Variants in WFIKKN1 observed in about 807,000 individuals in gnomAD.
WFIKKN1 encodes WAP, Kazal, immunoglobulin, Kunitz and NTR domain-containing protein 1.
In WFIKKN1, 6 loss-of-function variants were observed where a neutral mutation model predicts 4.6. That is an observed-to-expected ratio of 1.31 (90% confidence interval 0.72 to 2.59). The LOEUF is 2.59. Among genes scored for constraint, WFIKKN1 ranks in the 30% most tolerant of loss-of-function variants. The probability of loss-of-function intolerance (pLI) is 0.00; values close to 1 mark genes in which losing one functional copy is unlikely to be tolerated. For missense variants in WFIKKN1, 964 were observed against 818.0 expected (o/e 1.18, Z -2.18); for synonymous variants, 468 against 367.4 (o/e 1.27, Z -3.13).
At position 633,138 on chromosome 16, in the gene WFIKKN1, C is replaced by G. The variant is rs746586513; in HGVS notation, c.728C>G (p.Thr243Ser). The G allele has an allele frequency of 7.5e-6, 12 of 1,606,300 alleles. No homozygotes were observed. The highest frequency in any genetic ancestry group is 1.0e-5 in the Non-Finnish European group (12 of 1,175,508). The change falls in exon 2 of 2, where the codon ACC (threonine) becomes AGC (serine). Residue 243 changes from threonine to serine, a missense_variant. Physicochemically the swap from Thr to Ser is moderately conservative, Grantham distance 58 (BLOSUM62 1). Transcript: ENST00000319070. ...CAGATGTATGGCAACGTGGTGGTCACCAGCATCGGGCAGCTGGTGCTCTAC... is the reference window on the plus strand; with the variant it reads ...CAGATGTATGGCAACGTGGTGGTCAGCAGCATCGGGCAGCTGGTGCTCTAC... ...PDQMYGNVVV[T>S]SIGQLVLYNA...
At position 633,623 on chromosome 16, in the gene WFIKKN1, T is replaced by C; in HGVS notation, c.1213T>C (p.Cys405Arg). 1.3e-6 allele frequency: 2 copies of C among 1,572,142 alleles called. No individual in the cohort carries two copies. The highest frequency in any genetic ancestry group is 1.7e-6 in the Non-Finnish European group (2 of 1,163,898). The change falls in exon 2 of 2, where the codon TGC becomes CGC. Residue 405 changes from cysteine to arginine, a missense_variant. Physicochemically the swap from Cys to Arg is radical, Grantham distance 180. Transcript: ENST00000319070. The part of the protein sequence containing the change: ...NGNNFHSRES[C>R]EDACPVPRTP... ...CAACAACTTCCACAGCCGCGAGAGC[T>C]GCGAGGATGCCTGCCCCGTGCCGCG...
At position 633,283 on chromosome 16, in the gene WFIKKN1, CA is replaced by C. The variant is rs1269620482; in HGVS notation, c.874del (p.Ser292AlafsTer36). ...QREPARDAAP[S>X]IPAPAECLPD... ...GAGAGCCGGCCAGGGACGCAGCCCC[CA>C]GCATCCCAGCCCCGGCCGAGTGCCT... On this transcript the variant is annotated frameshift_variant, in exon 2 of 2. Transcript: ENST00000319070. LOFTEE classifies it low-confidence loss of function (END_TRUNC). 6.3e-7 allele frequency: 1 copy of C among 1,584,434 alleles called. No homozygotes were observed. The highest frequency in any genetic ancestry group is 1.3e-5 in the African/African-American group (1 of 74,114).
rs372662952 is a variant in WFIKKN1, at chr16:631,231, G to A, written c.-23G>A. The A allele has an allele frequency of 1.4e-5, 22 of 1,542,004 alleles. No homozygotes were observed. The highest frequency in any genetic ancestry group is 8.3e-5 in the African/African-American group (6 of 72,526). ...GGAGGGGCTGGTGGCCACACCCCCC[G>A]GCCCCCTGGCTCGGCGGCCCTCATG... On this transcript the variant is annotated 5_prime_UTR_variant, in exon 1 of 2. Transcript: ENST00000319070.
rs146876380 is a variant in WFIKKN1 at position 631,441 on chromosome 16, C to T, written c.171+17C>T. 1.9e-3 allele frequency: 3,015 copies of T among 1,600,160 alleles called. 9 individuals are homozygous for T. Among genetic ancestry groups the T allele is most frequent in the Admixed American group, 4.6e-3 (271 of 59,004 alleles). On this transcript the variant is annotated intron_variant, in intron 1 of 1. Transcript: ENST00000319070. Reference sequence around the variant, plus strand: ...AGGGACCAGGTGAGTGTGGTCGGGCCGGGGTCCTGGGGCTCAGAGCAGCCA... The same window carrying T: ...AGGGACCAGGTGAGTGTGGTCGGGCTGGGGTCCTGGGGCTCAGAGCAGCCA...
Position 633,618 on chromosome 16 carries a change from A to T in WFIKKN1, c.1208A>T (p.Glu403Val), listed in dbSNP as rs1596430438. The change falls in exon 2 of 2, where the codon GAG (glutamate) becomes GTG (valine). Residue 403 changes from glutamate to valine, a missense_variant. Coordinates refer to ENST00000319070, the MANE Select transcript of WFIKKN1 (RefSeq NM_053284.3). Reference sequence around the variant, plus strand: ...AACGGCAACAACTTCCACAGCCGCGAGAGCTGCGAGGATGCCTGCCCCGTG... The same window carrying T: ...AACGGCAACAACTTCCACAGCCGCGTGAGCTGCGAGGATGCCTGCCCCGTG... Reference protein sequence around the residue: ...EGNGNNFHSRESCEDACPVPR... With the variant: ...EGNGNNFHSRVSCEDACPVPR... The T allele has an allele frequency of 6.4e-7, 1 of 1,572,960 alleles. No individual in the cohort carries two copies. Among genetic ancestry groups the T allele is most frequent in the Non-Finnish European group, 8.6e-7 (1 of 1,164,574 alleles).
At position 630,992 on chromosome 16, in the gene WFIKKN1, G is replaced by A. The variant is rs561274449; in HGVS notation, c.-262G>A. On this transcript the variant is annotated 5_prime_UTR_variant, in exon 1 of 2. Transcript: ENST00000319070. ...GGAGCCCCCGCACGGTTCAGACAGA[G>A]GGGCCAGGCTGAAGCTGGAGAGGAA... 8.0e-5 allele frequency: 40 copies of A among 500,886 alleles called. No individual in the cohort carries two copies. Among genetic ancestry groups the A allele is most frequent in the Middle Eastern group, 5.4e-4 (1 of 1,852 alleles). 31.0% of individuals were successfully genotyped at this position (500,886 alleles called of 1,614,324 possible).
In WFIKKN1 at chr16:632,625, T is replaced by C. The variant is rs1210913861; in HGVS notation, c.215T>C (p.Leu72Pro). ...AAGTGCTGCATCAACGTGTGTGGAC[T>C]GCACAGCTGCGTGGCAGCACGCTTC... Reference protein sequence around the residue: ...AEKCCINVCGLHSCVAARFPG... With the variant: ...AEKCCINVCGPHSCVAARFPG... Residue 72 changes from leucine (L) to proline (P), a missense_variant, in exon 2 of 2, where the codon CTG (leucine) becomes CCG (proline). Physicochemically the swap from Leu to Pro is moderately conservative, Grantham distance 98. Coordinates refer to ENST00000319070, the MANE Select transcript of WFIKKN1 (RefSeq NM_053284.3). 4 of 1,590,982 alleles carry C rather than the reference T, an allele frequency of 2.5e-6. No individual in the cohort carries two copies. In the African/African-American group the frequency reaches 4.0e-5, roughly 16 times the overall value.
chr16:632,257 T>C (rs1284227064), intron 1 of WFIKKN1: 2 of 272,572 alleles, frequency 7.3e-6, no homozygotes, highest in Non-Finnish European at 6.9e-6. Context: ...CTGCAGCCGA[T>C]GTCCAGCCTT....
In WFIKKN1 at chr16:633,852, C is replaced by A; in HGVS notation, c.1442C>A (p.Thr481Lys). 1 of 1,598,008 alleles carries A rather than the reference C, an allele frequency of 6.3e-7. No individual in the cohort carries two copies. The highest frequency in any genetic ancestry group is 8.5e-7 in the Non-Finnish European group (1 of 1,172,982). ...TTGGGCACCAAGTACCTGGAGGTGA[C>A]GCTGAGTGGCATGGACTGGGCCTGC... ...KFLGTKYLEV[T>K]LSGMDWACPC... The change falls in exon 2 of 2, where the codon ACG becomes AAG. Residue 481 changes from threonine to lysine, a missense_variant. Transcript: ENST00000319070.
rs2151085796 is a variant in WFIKKN1 at position 630,998 on chromosome 16, A to G, written c.-256A>G. On this transcript the variant is annotated 5_prime_UTR_variant, in exon 1 of 2. Transcript: ENST00000319070. ...CCCGCACGGTTCAGACAGAGGGGCC[A>G]GGCTGAAGCTGGAGAGGAACCAGCG... The G allele has an allele frequency of 2.0e-6, 1 of 509,186 alleles. No individual in the cohort carries two copies. Among genetic ancestry groups the G allele is most frequent in the East Asian group, 3.7e-5 (1 of 26,856 alleles). 31.5% of individuals were successfully genotyped at this position (509,186 alleles called of 1,614,324 possible). A position where few individuals can be genotyped will look rare whatever the true frequency, so the allele number is the denominator to read the frequency against.
At chr16:631,792 CCTCCCATCCACTTCTTCCATCCTCTT>C in intron 1 of WFIKKN1, 1 of 60,888 alleles carries the variant, frequency 1.6e-5, no homozygotes, top group African/African-American at 6.6e-5. Context: ...CCCATCCACT[CCTCCCATCCACTTCTTCCATCCTCTT>C]CTCCCACCCC....
rs764775455 is a variant in WFIKKN1 at position 632,762 on chromosome 16, G to C, written c.352G>C (p.Asp118His). Reference protein sequence around the residue: ...WDGQPVCRCRDRCEKEPSFTC... With the variant: ...WDGQPVCRCRHRCEKEPSFTC... ...CGGGCAGCCCGTGTGCCGCTGCCGC[G>C]ACCGCTGTGAGAAGGAGCCCAGCTT... The change falls in exon 2 of 2, where the codon GAC (aspartate) becomes CAC (histidine). Residue 118 changes from aspartate to histidine, a missense_variant. Asp to His is a moderately conservative substitution (Grantham distance 81, BLOSUM62 -1). Coordinates refer to ENST00000319070, the MANE Select transcript of WFIKKN1 (RefSeq NM_053284.3). 38 of 1,607,730 alleles carry C rather than the reference G, an allele frequency of 2.4e-5. No homozygotes were observed. The highest frequency in any genetic ancestry group is 3.1e-5 in the Non-Finnish European group (36 of 1,177,256).
chr16:633,400 G>C lies in WFIKKN1; in HGVS notation c.990G>C (p.Pro330=). The C allele has an allele frequency of 1.3e-6, 2 of 1,559,276 alleles. No homozygotes were observed. The highest frequency in any genetic ancestry group is 1.7e-6 in the Non-Finnish European group (2 of 1,161,182). ...DPQRGGCMTF[P]ARGCDGAARG... is the part of the protein sequence containing the mutation. ...AGCGGGGCGGCTGCATGACCTTCCC[G>C]GCCCGTGGCTGTGATGGGGCGGCCC... is the stretch of plus-strand genomic sequence containing the variant. The change falls in exon 2 of 2, where the codon CCG becomes CCC. Residue 330 remains proline (P), a synonymous_variant. Transcript: ENST00000319070.
In WFIKKN1 at chr16:632,490, C is replaced by G. The variant is rs142927387; in HGVS notation, c.172-92C>G. 1,564 of 1,379,434 alleles carry G rather than the reference C, an allele frequency of 1.1e-3. 12 individuals are homozygous for G. The African/African-American group carries it at 0.021, about 19-fold the overall frequency. The allele number at this position is 1,379,434 out of a possible 1,614,324, so 85.4% of individuals were successfully genotyped here. Reference sequence around the variant, plus strand: ...CAGCCACAGAGCGGGGGGCTCCCTGCTACCCCACCTGGGCCTCCCCTTGCA... The same window carrying G: ...CAGCCACAGAGCGGGGGGCTCCCTGGTACCCCACCTGGGCCTCCCCTTGCA... On this transcript the variant is annotated intron_variant, in intron 1 of 1. Transcript: ENST00000319070.
In WFIKKN1 at chr16:632,945, C is replaced by G; in HGVS notation, c.535C>G (p.Pro179Ala). Residue 179 changes from proline (P) to alanine (A), a missense_variant, in exon 2 of 2, where the codon CCT becomes GCT. By Grantham distance (27) the Pro-to-Ala change is conservative. Coordinates refer to ENST00000319070, the MANE Select transcript of WFIKKN1 (RefSeq NM_053284.3). Reference protein sequence around the residue: ...GPPETTARPTPGAAPVPPALY... With the variant: ...GPPETTARPTAGAAPVPPALY... Reference sequence around the variant, plus strand: ...GCCGGAGACCACTGCCCGCCCCACACCTGGGGCCGCGCCCGTGCCTCCTGC... The same window carrying G: ...GCCGGAGACCACTGCCCGCCCCACAGCTGGGGCCGCGCCCGTGCCTCCTGC... 1 of 1,560,450 alleles carries G rather than the reference C, an allele frequency of 6.4e-7. No homozygotes were observed.
In WFIKKN1 at chr16:633,778, C is replaced by T. The variant is rs1368868146; in HGVS notation, c.1368C>T (p.Arg456=). 4 of 1,599,328 alleles carry T rather than the reference C, an allele frequency of 2.5e-6. No homozygotes were observed. The highest frequency in any genetic ancestry group is 2.6e-6 in the Non-Finnish European group (3 of 1,173,732). The change falls in exon 2 of 2, where the codon CGC becomes CGT. Residue 456 remains arginine (R), a synonymous_variant. Coordinates refer to ENST00000319070, the MANE Select transcript of WFIKKN1 (RefSeq NM_053284.3). Reference sequence around the variant, plus strand: ...CCGAGGCCGCCGGCGGCATCGCCCGCGTGGCGCTCGAGGACGTGCTCAAGG... The same window carrying T: ...CCGAGGCCGCCGGCGGCATCGCCCGTGTGGCGCTCGAGGACGTGCTCAAGG... ...EEPEAAGGIA[R]VALEDVLKDD...
Position 633,535 on chromosome 16 carries a change from G to T in WFIKKN1, c.1125G>T (p.Trp375Cys). Residue 375 changes from tryptophan (W) to cysteine (C), a missense_variant, in exon 2 of 2, where the codon TGG becomes TGT. Coordinates refer to ENST00000319070, the MANE Select transcript of WFIKKN1 (RefSeq NM_053284.3). ...CCTGCCGGGGCTGGGAGCCGCGCTG[G>T]GCCTACAGCCCGCTGCTGCAGCAGT... ...QGPCRGWEPR[W>C]AYSPLLQQCH... 1 of 1,522,610 alleles carries T rather than the reference G, an allele frequency of 6.6e-7. No homozygotes were observed. Among genetic ancestry groups the T allele is most frequent in the Non-Finnish European group, 8.7e-7 (1 of 1,144,106 alleles). The allele number at this position is 1,522,610 out of a possible 1,614,324, so 94.3% of individuals were successfully genotyped here.
In WFIKKN1 at chr16:633,460, C is replaced by T. The variant is rs762896263; in HGVS notation, c.1050C>T (p.Ala350=). 7.8e-6 allele frequency: 12 copies of T among 1,531,294 alleles called. No homozygotes were observed. The African/African-American group carries it at 1.5e-4, about 20-fold the overall frequency. 94.9% of individuals were successfully genotyped at this position (1,531,294 alleles called of 1,614,324 possible). A position where few individuals can be genotyped will look rare whatever the true frequency, so the allele number is the denominator to read the frequency against. ...AGACCTACGAGGCATGCCAGCAGGC[C>T]TGTGCCCGCGGCCCCGGCGACGCCT... is the stretch of plus-strand genomic sequence containing the variant. The part of the protein sequence containing the change: ...GFETYEACQQ[A]CARGPGDACV... The change falls in exon 2 of 2, where the codon GCC becomes GCT. Residue 350 remains alanine (A), a synonymous_variant. Coordinates refer to ENST00000319070, the MANE Select transcript of WFIKKN1 (RefSeq NM_053284.3).
At position 633,874 on chromosome 16, in the gene WFIKKN1, C is replaced by A; in HGVS notation, c.1464C>A (p.Ala488=). 6.3e-7 allele frequency: 1 copy of A among 1,595,284 alleles called. No individual in the cohort carries two copies. The highest frequency in any genetic ancestry group is 8.5e-7 in the Non-Finnish European group (1 of 1,171,810). The change falls in exon 2 of 2, where the codon GCC becomes GCA. Residue 488 remains alanine (A), a synonymous_variant. Coordinates refer to ENST00000319070, the MANE Select transcript of WFIKKN1 (RefSeq NM_053284.3). ...LEVTLSGMDW[A]CPCPNMTAGD... is the part of the protein sequence containing the mutation. Reference sequence around the variant, plus strand: ...TGACGCTGAGTGGCATGGACTGGGCCTGCCCCTGCCCCAACATGACGGCGG... The same window carrying A: ...TGACGCTGAGTGGCATGGACTGGGCATGCCCCTGCCCCAACATGACGGCGG...
Sources: allele counts gnomAD v4.1 joint callset, GRCh38; gene constraint gnomAD v4.1.1; transcripts MANE v1.5; gene names NCBI Gene and HGNC (gene_info 2026-07-23, HGNC 2026-07-21).